Variants in ST18 observed in about 807,000 individuals in gnomAD.
ST18 encodes the protein ST18 C2H2C-type zinc finger transcription factor, also known as suppression of tumorigenicity 18 protein.
A neutral mutation model predicts 110.0 loss-of-function variants in ST18; 50 were observed. The ratio of observed to expected loss-of-function variants is 0.45; its 90% confidence interval spans 0.36 to 0.58. The LOEUF is 0.58. ST18 is among the 20% of genes least tolerant of loss of function. ST18 has a pLI of 0.00. For synonymous variants in ST18, 461 were observed against 452.4 expected (o/e 1.02, Z -0.24); for missense variants, 1,306 against 1,280.1 (o/e 1.02, Z -0.31).
At chr8:52,375,723 T>A (rs1832076083) in intron 2 of ST18, among the ~76,000 whole-genome samples, 1 of 152,142 alleles carries the variant, frequency 6.6e-6, no homozygotes, top group South Asian at 2.1e-4. Context: ...AGCCAAGACC[T>A]TTCTCCAGCA....
intron 17 of ST18, among the ~76,000 whole-genome samples, chr8:52,141,534 A>G (rs1305123502): frequency 6.6e-6 from 1 of 152,198 alleles, no homozygotes; most frequent in Non-Finnish European, 1.5e-5. Context: ...TGTTCTTGGT[A>G]AAGGAGGCAG....
At chr8:52,209,693 C>A (rs542733868) in intron 8 of ST18, among the ~76,000 whole-genome samples, 48 of 149,600 alleles carry the variant, frequency 3.2e-4, no homozygotes, top group Non-Finnish European at 4.6e-4. Context: ...TCACTTGAAC[C>A]CAGGAGGCGG....
intron 6 of ST18, among the ~76,000 whole-genome samples, chr8:52,217,050 C>T (rs2084552853): frequency 6.6e-6 from 1 of 152,170 alleles, no homozygotes; most frequent in Admixed American, 6.5e-5. Context: ...ACTTTGTTTT[C>T]TTCCCCCTGG....
At chr8:52,246,054 T>G (rs1341180099) in intron 2 of ST18, among the ~76,000 whole-genome samples, 4 of 152,104 alleles carry the variant, frequency 2.6e-5, no homozygotes, top group African/African-American at 9.7e-5. Flanking sequence ...GCCTAAAAAT[T>G]TATAAATTTG....
chr8:52,238,010 G>A (rs1399508828), intron 2 of ST18, among the ~76,000 whole-genome samples: 1 of 152,204 alleles, frequency 6.6e-6, no homozygotes. Context: ...AAATCACAAT[G>A]AGATGCCACT....
At chr8:52,284,412 C>T (rs139926974) in intron 2 of ST18, among the ~76,000 whole-genome samples, 1 of 152,220 alleles carries the variant, frequency 6.6e-6, no homozygotes, top group East Asian at 1.9e-4. Flanking sequence ...GAAAATATTA[C>T]CCAGCGTGTA....
chr8:52,212,142 A>C, intron 7 of ST18, 33 bp from the exon 8 acceptor site: 1 of 1,585,762 alleles, frequency 6.3e-7, no homozygotes, highest in Non-Finnish European at 8.5e-7. Flanking sequence ...AAGAAGACTT[A>C]ATCAGTTGAT....
At chr8:52,255,120 G>A (rs1302453159) in intron 2 of ST18, among the ~76,000 whole-genome samples, 1 of 152,126 alleles carries the variant, frequency 6.6e-6, no homozygotes, top group East Asian at 1.9e-4. Flanking sequence ...ACACTTCTGG[G>A]TGGAGCTTAG....
chr8:52,188,539 A>ACTT (rs1379520774), intron 8 of ST18, among the ~76,000 whole-genome samples: 1 of 152,226 alleles, frequency 6.6e-6, no homozygotes, highest in African/African-American at 2.4e-5. Flanking sequence ...CATTTTAGGA[A>ACTT]CTTTGACTCA....
intron 2 of ST18, among the ~76,000 whole-genome samples, chr8:52,278,965 C>G (rs2095325159): frequency 6.6e-6 from 1 of 152,062 alleles, no homozygotes; most frequent in African/African-American, 2.4e-5. Context: ...AAAGAATCCC[C>G]AAGGTAAAGC....
intron 15 of ST18, among the ~76,000 whole-genome samples, chr8:52,153,997 C>T (rs2059421989): frequency 6.6e-6 from 1 of 152,210 alleles, no homozygotes. Flanking sequence ...TTTCCAACTT[C>T]TACTTTAGAT....
rs764165724 is a variant in ST18 at position 52,136,590 on chromosome 8, T to C, written c.2300A>G (p.Lys767Arg). The C allele has an allele frequency of 5.0e-6, 8 of 1,610,176 alleles. No individual in the cohort carries two copies. Among genetic ancestry groups the C allele is most frequent in the Non-Finnish European group, 5.9e-6 (7 of 1,178,518 alleles). The change falls in exon 19 of 26, where the codon AAG becomes AGG. Residue 767 changes from lysine (K) to arginine (R), a missense_variant and splice_region_variant. Transcript: ENST00000689386. ...SLMAANSQEL[K>R]CPTPGCDGSG... ...AGCCGGCCACGCTTCCCGCACTTAC[T>C]TAAGCTCCTGAGAGTTGGCAGCCAT...
intron 2 of ST18, among the ~76,000 whole-genome samples, chr8:52,360,505 CAA>C (rs72050480): frequency 7.4e-5 from 11 of 148,436 alleles, no homozygotes; most frequent in Non-Finnish European, 1.6e-4. Flanking sequence ...ACAAATAATG[CAA>C]AAAAAAATTA....
chr8:52,159,966 A>T (rs928377514), intron 14 of ST18, among the ~76,000 whole-genome samples: 6 of 152,052 alleles, frequency 3.9e-5, no homozygotes, highest in Admixed American at 2.6e-4. Flanking sequence ...TTTATATTAA[A>T]TTTTTTTATT....
chr8:52,344,870 A>T (rs1014144385), intron 2 of ST18, among the ~76,000 whole-genome samples: 1 of 152,184 alleles, frequency 6.6e-6, no homozygotes, highest in Non-Finnish European at 1.5e-5. Context: ...GCCAATAACC[A>T]TGTTTAGCAC....
chr8:52,111,009 T>C lies in ST18; in HGVS notation c.*2189A>G, dbSNP rs1460438514. 2 of 398,692 alleles carry C rather than the reference T, an allele frequency of 5.0e-6. No individual in the cohort carries two copies. Among genetic ancestry groups the C allele is most frequent in the Non-Finnish European group, 8.9e-6 (2 of 225,948 alleles). 24.7% of individuals were successfully genotyped at this position (398,692 alleles called of 1,614,324 possible). A position where few individuals can be genotyped will look rare whatever the true frequency, so the allele number is the denominator to read the frequency against. ...CTTTTTGTTTACAAAAGACCCAATT[T>C]ACAGTATTGATCATTAACATAGTTG... On this transcript the variant is annotated 3_prime_UTR_variant, in exon 26 of 26. Transcript: ENST00000689386.
At chr8:52,198,981 G>C (rs2077069559) in intron 8 of ST18, among the ~76,000 whole-genome samples, 1 of 152,148 alleles carries the variant, frequency 6.6e-6, no homozygotes. Context: ...GATAGGCTTA[G>C]CCCCAACACT....
chr8:52,255,481 T>C (rs551879627), intron 2 of ST18, among the ~76,000 whole-genome samples: 25 of 152,278 alleles, frequency 1.6e-4, no homozygotes, highest in African/African-American at 6.0e-4. Flanking sequence ...GAAGAAAAAT[T>C]GAGTGAAAAA....
chr8:52,218,353 T>G (rs1354083702), intron 5 of ST18, among the ~76,000 whole-genome samples: 1 of 151,596 alleles, frequency 6.6e-6, no homozygotes, highest in Admixed American at 6.6e-5. Context: ...TCTAGTTAGA[T>G]AGATATATCA....
Sources: gnomAD v4.1 joint callset for allele counts (sites outside exome capture counted in the v4.1 genomes callset) on GRCh38, gnomAD v4.1.1 for gene constraint, MANE v1.5 for transcripts, NCBI Gene and HGNC (gene_info 2026-07-23, HGNC 2026-07-21) for gene names.